Variants in MCUB observed in about 807,000 individuals in gnomAD.
MCUB encodes the protein calcium uniporter regulatory subunit MCUb, mitochondrial.
A neutral mutation model predicts 41.4 loss-of-function variants in MCUB; 46 were observed. The observed-to-expected ratio is 1.11, with a 90% CI of 0.88 to 1.42. MCUB has a LOEUF of 1.42. Among genes scored for constraint, MCUB ranks in the 40% most tolerant of loss-of-function variants. MCUB has a pLI of 0.00. For synonymous variants in MCUB, 148 were observed against 148.2 expected, an observed-to-expected ratio of 1.00 and a Z score of 0.01; for missense variants, 403 against 404.9, an observed-to-expected ratio of 1.00 and a Z score of 0.04.
chr4:109,665,223 AATC>A (rs1729317280), intron 4 of MCUB, among the ~76,000 whole-genome samples: 2 of 152,238 alleles, frequency 1.3e-5, no homozygotes, highest in South Asian at 2.1e-4. Flanking sequence ...TAATGTAAAT[AATC>A]ATCTTGTTTT....
intron 1 of MCUB, among the ~76,000 whole-genome samples, chr4:109,604,578 G>A (rs753040129): frequency 1.8e-4 from 27 of 152,060 alleles, no homozygotes; most frequent in Non-Finnish European, 2.9e-4. Flanking sequence ...GTGAAAGTGG[G>A]CATCCTTGTC....
At chr4:109,628,319 A>T (rs939306420) in intron 1 of MCUB, among the ~76,000 whole-genome samples, 6 of 152,234 alleles carry the variant, frequency 3.9e-5, no homozygotes, top group Non-Finnish European at 8.8e-5. Flanking sequence ...GAAACAGAAG[A>T]TGAAATAAAG....
chr4:109,671,451 G>A (rs894180180), intron 4 of MCUB, among the ~76,000 whole-genome samples: 1 of 151,992 alleles, frequency 6.6e-6, no homozygotes, highest in Non-Finnish European at 1.5e-5. Flanking sequence ...GTTTGAGAAA[G>A]TTTCTGTTGG....
intron 1 of MCUB, among the ~76,000 whole-genome samples, chr4:109,632,011 G>C (rs991430965): frequency 6.6e-6 from 1 of 152,118 alleles, no homozygotes; most frequent in Non-Finnish European, 1.5e-5. Flanking sequence ...GCTGATGCTT[G>C]TGTATTTCTC....
chr4:109,636,632 C>T (rs1024570838), intron 1 of MCUB, among the ~76,000 whole-genome samples: 1 of 152,108 alleles, frequency 6.6e-6, no homozygotes, highest in South Asian at 2.1e-4. Context: ...GTCAGGAGTT[C>T]GAGACCAACC....
intron 1 of MCUB, among the ~76,000 whole-genome samples, chr4:109,587,647 T>G (rs1259775087): frequency 6.6e-6 from 1 of 152,184 alleles, no homozygotes; most frequent in Non-Finnish European, 1.5e-5. Context: ...TTGAAACAAG[T>G]TTATAGGAAA....
rs922418053 is a variant in MCUB at position 109,560,525 on chromosome 4, G to T, written c.99+89G>T. On this transcript the variant is annotated intron_variant, in intron 1 of 7. Coordinates refer to ENST00000394650, the MANE Select transcript of MCUB (RefSeq NM_017918.5). ...CTTTGGCGGGAGCAAAAGCCGAGCG[G>T]CCGAGCAGTCAACTGCGTTTTGCTG... 6 of 619,674 alleles carry T rather than the reference G, an allele frequency of 9.7e-6. No homozygotes were observed. In the Admixed American group the frequency reaches 1.8e-4, roughly 18 times the overall value. The allele number at this position is 619,674 out of a possible 1,614,324, so 38.4% of individuals were successfully genotyped here.
chr4:109,592,630 T>G (rs1374468285), intron 1 of MCUB, among the ~76,000 whole-genome samples: 1 of 152,170 alleles, frequency 6.6e-6, no homozygotes, highest in East Asian at 1.9e-4. Flanking sequence ...TACTCCAGCC[T>G]AGAATACACA....
intron 1 of MCUB, among the ~76,000 whole-genome samples, chr4:109,602,228 T>C (rs1046512480): frequency 1.3e-5 from 2 of 152,202 alleles, no homozygotes; most frequent in African/African-American, 4.8e-5. Flanking sequence ...TTGATGTGAG[T>C]CCATTTGTCC....
intron 1 of MCUB, among the ~76,000 whole-genome samples, chr4:109,608,361 A>T (rs1175173325): frequency 6.6e-6 from 1 of 152,078 alleles, no homozygotes; most frequent in Non-Finnish European, 1.5e-5. Flanking sequence ...CTGAAAGGTC[A>T]TGTATCTCTG....
intron 1 of MCUB, among the ~76,000 whole-genome samples, chr4:109,585,024 T>A (rs551108136): frequency 2.0e-5 from 3 of 152,304 alleles, no homozygotes; most frequent in African/African-American, 7.2e-5. Context: ...TTCTGGCTTG[T>A]TGATCTAATA....
chr4:109,586,213 A>G (rs1486998766), intron 1 of MCUB, among the ~76,000 whole-genome samples: 4 of 152,128 alleles, frequency 2.6e-5, no homozygotes, highest in Admixed American at 1.3e-4. Flanking sequence ...ATCTTCAATC[A>G]CTGATACCCT....
intron 1 of MCUB, among the ~76,000 whole-genome samples, chr4:109,610,449 TG>T (rs1194325353): frequency 1.3e-5 from 2 of 152,224 alleles, no homozygotes; most frequent in African/African-American, 2.4e-5. Flanking sequence ...ATCTCACATC[TG>T]GGGAAGCTTT....
intron 1 of MCUB, among the ~76,000 whole-genome samples, chr4:109,593,813 A>G (rs1441146949): frequency 6.6e-6 from 1 of 152,224 alleles, no homozygotes; most frequent in Non-Finnish European, 1.5e-5. Context: ...CATCTTTAGT[A>G]ATAAAATATA....
At chr4:109,633,275 A>AT (rs1214491074) in intron 1 of MCUB, among the ~76,000 whole-genome samples, 4,194 of 150,280 alleles carry the variant, frequency 0.028, 203 homozygotes, top group African/African-American at 0.097. Context: ...AATTATTATT[A>AT]TTTTTTTTTT....
In MCUB at chr4:109,685,131, T is replaced by C. The variant is rs570403160; in HGVS notation, c.817-120T>C. On this transcript the variant is annotated intron_variant, in intron 6 of 7. Coordinates refer to ENST00000394650, the MANE Select transcript of MCUB (RefSeq NM_017918.5). ...TGCTTACTCTCATGGCCATTGCAAA[T>C]ATTTCACTCATTCATCTGCCTTCTT... The C allele has an allele frequency of 5.3e-5, 32 of 601,376 alleles. No homozygotes were observed. The South Asian group carries it at 6.3e-4, about 12-fold the overall frequency. The allele number at this position is 601,376 out of a possible 1,614,324, so 37.3% of individuals were successfully genotyped here. A position where few individuals can be genotyped will look rare whatever the true frequency, so the allele number is the denominator to read the frequency against.
rs1317261914 is a variant in MCUB at position 109,677,890 on chromosome 4, T to G, written c.452-4692T>G. On this transcript the variant is annotated intron_variant, in intron 4 of 7. Coordinates refer to ENST00000394650, the MANE Select transcript of MCUB (RefSeq NM_017918.5). ...AGGGGGATGTGGCAGGGTCATAGGA[T>G]AATAGTGGAGAGAAGGTCAGCAGAT... Among the ~76,000 whole-genome samples the G allele has an allele frequency of 2.1e-5, 3 of 143,304 alleles. No individual in the cohort carries two copies. The East Asian group carries it at 6.2e-4, about 29-fold the overall frequency. The allele number at this position is 143,304 out of a possible 152,430, so 94.0% of individuals were successfully genotyped here.
At chr4:109,655,172 T>G (rs1234891855) in intron 1 of MCUB, among the ~76,000 whole-genome samples, 1 of 152,210 alleles carries the variant, frequency 6.6e-6, no homozygotes, top group East Asian at 1.9e-4. Flanking sequence ...AGCTAAACTG[T>G]TGGATTAAGA....
At chr4:109,654,976 A>T (rs1729057796) in intron 1 of MCUB, among the ~76,000 whole-genome samples, 1 of 152,118 alleles carries the variant, frequency 6.6e-6, no homozygotes, top group Non-Finnish European at 1.5e-5. Flanking sequence ...TAGTGCCACA[A>T]GACTGTCCCA....
Sources: allele counts gnomAD v4.1 joint callset (sites outside exome capture counted in the v4.1 genomes callset), GRCh38; gene constraint gnomAD v4.1.1; transcripts MANE v1.5; gene names NCBI Gene and HGNC (gene_info 2026-07-23, HGNC 2026-07-21).